TMCO4: variants seen among roughly 807,000 people sequenced by gnomAD.
TMCO4 encodes the protein transmembrane and coiled-coil domains 4.
A neutral mutation model predicts 64.7 loss-of-function variants in TMCO4; 58 were observed. That is an observed-to-expected ratio of 0.90 (90% CI 0.73 to 1.12). The LOEUF is 1.12. Among genes scored for constraint, TMCO4 ranks in the 50% most tolerant of loss-of-function variants. TMCO4 has a pLI of 0.00. For synonymous variants in TMCO4, 325 were observed against 346.1 expected (o/e 0.94, Z 0.68); for missense variants, 780 against 825.9 (o/e 0.94, Z 0.68).
rs902075077 is a variant in TMCO4, at chr1:19,734,379, G to A, written c.1264+2993C>T. The stretch of plus-strand genomic sequence containing the variant: ...GCAGATGCGTGTATGAATGTGTGCA[G>A]GTGTGTGTGTGAGTGTGCATATGTG... On this transcript the variant is annotated intron_variant, in intron 13 of 15. Coordinates refer to ENST00000294543, the MANE Select transcript of TMCO4 (RefSeq NM_181719.7). The surrounding 1 kb of genome is among the most constrained non-coding windows in gnomAD (Gnocchi z 4.4). Among the ~76,000 whole-genome samples the A allele has an allele frequency of 6.0e-4, 91 of 152,220 alleles. No individual in the cohort carries two copies. The highest frequency in any genetic ancestry group is 2.1e-3 in the African/African-American group (86 of 41,536).
At chr1:19,697,848 A>C (rs1244313666) in intron 14 of TMCO4, among the ~76,000 whole-genome samples, 13 of 150,854 alleles carry the variant, frequency 8.6e-5, no homozygotes, top group Non-Finnish European at 1.2e-4. Context: ...TCCTGGGCTC[A>C]AGCGATCCTC....
chr1:19,701,476 T>C (rs1271037384), intron 13 of TMCO4, among the ~76,000 whole-genome samples: 2 of 152,056 alleles, frequency 1.3e-5, no homozygotes, highest in Non-Finnish European at 2.9e-5. Flanking sequence ...CCAGTCTCAT[T>C]TTCCCCATTT....
intron 4 of TMCO4, among the ~76,000 whole-genome samples, chr1:19,777,045 A>AG (rs2043240582): frequency 6.6e-6 from 1 of 151,424 alleles, no homozygotes; most frequent in Non-Finnish European, 1.5e-5. Context: ...AAAAAAAAAA[A>AG]AAAAGAAAAG....
chr1:19,687,717 TG>T (rs2095160657), intron 15 of TMCO4, among the ~76,000 whole-genome samples: 1 of 152,168 alleles, frequency 6.6e-6, no homozygotes, highest in African/African-American at 2.4e-5. Context: ...ACCTTTTTAA[TG>T]TTGTAGATGG....
intron 6 of TMCO4, among the ~76,000 whole-genome samples, chr1:19,760,175 CTTTTT>C (rs891161978): frequency 3.4e-5 from 5 of 148,322 alleles, no homozygotes; most frequent in Non-Finnish European, 6.0e-5. Context: ...TTTTTTTTTT[CTTTTT>C]TAAGAGATGG....
At chr1:19,796,685 C>A (rs1230460638) in intron 2 of TMCO4, among the ~76,000 whole-genome samples, 5 of 152,146 alleles carry the variant, frequency 3.3e-5, no homozygotes, top group Non-Finnish European at 7.4e-5. Flanking sequence ...AGCGATTCTC[C>A]TGCCTCAGCT....
chr1:19,682,838 G>C lies in TMCO4; in HGVS notation c.*202C>G, dbSNP rs1038114494. 6 of 790,288 alleles carry C rather than the reference G, an allele frequency of 7.6e-6. No individual in the cohort carries two copies. Among genetic ancestry groups the C allele is most frequent in the African/African-American group, 5.2e-5 (3 of 58,152 alleles). 49.0% of individuals were successfully genotyped at this position (790,288 alleles called of 1,614,324 possible). ...CCCTGGTGGGGCTCCTCTGGGGACA[G>C]GCAGCTTCCCAAGGGTGGGCGTGTT... On this transcript the variant is annotated 3_prime_UTR_variant, in exon 16 of 16. Coordinates refer to ENST00000294543, the MANE Select transcript of TMCO4 (RefSeq NM_181719.7).
At chr1:19,768,436 A>C (rs2101009698) in intron 6 of TMCO4, among the ~76,000 whole-genome samples, 1 of 152,308 alleles carries the variant, frequency 6.6e-6, no homozygotes, top group South Asian at 2.1e-4. Flanking sequence ...ATAAAGTGAC[A>C]CAATCACTCT....
intron 6 of TMCO4, among the ~76,000 whole-genome samples, chr1:19,757,566 T>C (rs1411014343): frequency 6.6e-6 from 1 of 152,152 alleles, no homozygotes; most frequent in Non-Finnish European, 1.5e-5. Flanking sequence ...GATGTGAACA[T>C]CTTTGGGGGC....
intron 13 of TMCO4, among the ~76,000 whole-genome samples, chr1:19,709,346 C>G (rs1479998067): frequency 1.4e-5 from 2 of 141,690 alleles, no homozygotes; most frequent in African/African-American, 5.1e-5. Flanking sequence ...TTCTCCCCTC[C>G]CCCCACCCCA....
At position 19,732,674 on chromosome 1, in the gene TMCO4, T is replaced by C. The variant is rs2095435061; in HGVS notation, c.1264+4698A>G. Among the ~76,000 whole-genome samples, 1 of 151,854 alleles carries C rather than the reference T, an allele frequency of 6.6e-6. No individual in the cohort carries two copies. The highest frequency in any genetic ancestry group is 2.1e-4 in the South Asian group (1 of 4,808). Reference sequence around the variant, plus strand: ...GGGAAGCTGAGGCAGGAGGATTGCTTGAGACCAGGAGTTCGAGACCAGCCT... The same window carrying C: ...GGGAAGCTGAGGCAGGAGGATTGCTCGAGACCAGGAGTTCGAGACCAGCCT... On this transcript the variant is annotated intron_variant, in intron 13 of 15. Coordinates refer to ENST00000294543, the MANE Select transcript of TMCO4 (RefSeq NM_181719.7). This position sits in a 1 kb window ranked among gnomAD's most constrained non-coding sequence, Gnocchi z 4.8.
chr1:19,754,692 G>A (rs959060826), intron 7 of TMCO4, among the ~76,000 whole-genome samples: 5 of 152,164 alleles, frequency 3.3e-5, no homozygotes, highest in African/African-American at 1.2e-4. Flanking sequence ...TCTGCAAAGA[G>A]CTGAGCACCG....
chr1:19,701,646 G>A (rs186782225), intron 13 of TMCO4, among the ~76,000 whole-genome samples: 8 of 152,198 alleles, frequency 5.3e-5, no homozygotes, highest in Admixed American at 1.3e-4. Context: ...AACGGGCCCC[G>A]CATCATCTTG....
At chr1:19,693,074 G>A (rs1430961910) in intron 15 of TMCO4, among the ~76,000 whole-genome samples, 1 of 150,082 alleles carries the variant, frequency 6.7e-6, no homozygotes, top group South Asian at 2.1e-4. Context: ...TCAGGAGGCT[G>A]GGGCAGGAAG....
chr1:19,782,371 G>A (rs1034494328), intron 3 of TMCO4, among the ~76,000 whole-genome samples: 5 of 152,198 alleles, frequency 3.3e-5, no homozygotes, highest in African/African-American at 1.2e-4. Context: ...AGTCAGATGA[G>A]GGGTTACATG....
chr1:19,724,735 C>G (rs894857398), intron 13 of TMCO4, among the ~76,000 whole-genome samples: 1 of 152,086 alleles, frequency 6.6e-6, no homozygotes, highest in Admixed American at 6.6e-5. Flanking sequence ...TGTTTCTAGA[C>G]TCTAAGTTCA....
chr1:19,704,975 T>A lies in TMCO4; in HGVS notation c.1265-4090A>T, dbSNP rs1481538532. Among the ~76,000 whole-genome samples, 6 of 152,260 alleles carry A rather than the reference T, an allele frequency of 3.9e-5. No homozygotes were observed. The East Asian group carries it at 1.2e-3, about 29-fold the overall frequency. ...ACCACTGCCATGCCCAGATGTACCC[T>A]TAGATTTTAAAGATTTGCTCTCTTT... is the stretch of plus-strand genomic sequence containing the variant. On this transcript the variant is annotated intron_variant, in intron 13 of 15. Coordinates refer to ENST00000294543, the MANE Select transcript of TMCO4 (RefSeq NM_181719.7).
chr1:19,771,502 T>C lies in TMCO4; in HGVS notation c.180-20A>G, dbSNP rs1385080022. ...AAGGAGCTGAAAGGCAGACATGGCT[T>C]AGTTCTCCAGGATCCTCAGAGCTCA... On this transcript the variant is annotated intron_variant, in intron 4 of 15. Transcript: ENST00000294543. 2 of 1,611,250 alleles carry C rather than the reference T, an allele frequency of 1.2e-6. No homozygotes were observed.
chr1:19,698,656 T>C (rs757842524), intron 14 of TMCO4, among the ~76,000 whole-genome samples: 18 of 152,090 alleles, frequency 1.2e-4, no homozygotes, highest in Non-Finnish European at 2.5e-4. Flanking sequence ...GATGCTTAAT[T>C]TAACCAAAGA....
Sources: gnomAD v4.1 joint callset for allele counts (sites outside exome capture counted in the v4.1 genomes callset) on GRCh38, gnomAD v4.1.1 for gene constraint, Gnocchi (gnomAD v3.1) non-coding constraint, MANE v1.5 for transcripts, NCBI Gene and HGNC (gene_info 2026-07-23, HGNC 2026-07-21) for gene names.